Variants in PTK2 observed in about 807,000 individuals in gnomAD.
PTK2 encodes protein tyrosine kinase 2.
PTK2 carries 45 observed loss-of-function variants against 150.1 expected under a neutral mutation model. The ratio of observed to expected loss-of-function variants is 0.30; its 90% CI spans 0.24 to 0.38. The LOEUF is 0.38. Ranked by LOEUF, PTK2 falls within the 10% of genes least tolerant of loss-of-function variation. The probability of loss-of-function intolerance (pLI) is 1.00; values close to 1 mark genes in which losing one functional copy is unlikely to be tolerated. For synonymous variants in PTK2, 432 were observed against 449.2 expected, an observed-to-expected ratio of 0.96 and a Z score of 0.48; for missense variants, 919 against 1,307.3, an observed-to-expected ratio of 0.70 and a Z score of 4.58.
At chr8:140,855,551 C>T (rs1221468947) in intron 5 of PTK2, among the ~76,000 whole-genome samples, 2 of 151,928 alleles carry the variant, frequency 1.3e-5, no homozygotes, top group African/African-American at 2.4e-5. Context: ...GCCAAGATCA[C>T]GCCACCACAC....
intron 1 of PTK2, among the ~76,000 whole-genome samples, chr8:140,978,732 A>G (rs1406491685): frequency 6.6e-6 from 1 of 151,856 alleles, no homozygotes; most frequent in Non-Finnish European, 1.5e-5. Flanking sequence ...AACCAGAAAT[A>G]CCATTTGACC....
intron 10 of PTK2, among the ~76,000 whole-genome samples, chr8:140,811,008 A>T (rs1023770813): frequency 6.6e-6 from 1 of 152,182 alleles, no homozygotes; most frequent in African/African-American, 2.4e-5. Context: ...GCTCAAATGG[A>T]GACAGGCACC....
chr8:140,836,088 A>T (rs867094872), intron 7 of PTK2, among the ~76,000 whole-genome samples: 1 of 151,492 alleles, frequency 6.6e-6, no homozygotes, highest in East Asian at 1.9e-4. Flanking sequence ...TTTTTTTTTT[A>T]ATCAGACTTT....
intron 5 of PTK2, among the ~76,000 whole-genome samples, chr8:140,849,740 A>C (rs1304114918): frequency 6.6e-6 from 1 of 152,240 alleles, no homozygotes; most frequent in African/African-American, 2.4e-5. Context: ...TATATTTCTG[A>C]TCTTTACAAT....
chr8:140,934,539 A>C (rs981532491), intron 1 of PTK2: 1 of 152,218 alleles, frequency 6.6e-6, no homozygotes, highest in Non-Finnish European at 1.5e-5. Flanking sequence ...AACCATCCCA[A>C]CAAGTTTCTT....
chr8:140,905,281 T>C (rs2154607828), intron 2 of PTK2, among the ~76,000 whole-genome samples: 1 of 152,066 alleles, frequency 6.6e-6, no homozygotes. Flanking sequence ...GGGAGACCCA[T>C]GTCATGTGCA....
intron 22 of PTK2, among the ~76,000 whole-genome samples, chr8:140,725,529 G>C (rs987668128): frequency 7.2e-5 from 11 of 152,220 alleles, no homozygotes; most frequent in Admixed American, 3.3e-4. Context: ...GCAGGCGCCA[G>C]TGTTACTGGC....
intron 14 of PTK2, 133 bp downstream of exon 14, chr8:140,789,341 G>A (rs974057123): frequency 2.8e-5 from 21 of 751,222 alleles, no homozygotes; most frequent in African/African-American, 5.5e-5. Flanking sequence ...GTAAAATTAT[G>A]CAAATTTGGA....
At chr8:140,837,848 C>T (rs946820659) in intron 7 of PTK2, among the ~76,000 whole-genome samples, 2 of 152,084 alleles carry the variant, frequency 1.3e-5, no homozygotes, top group African/African-American at 4.8e-5. Context: ...CACTTGAGGT[C>T]AGGAGTTCAA....
At chr8:140,781,555 G>C (rs922691762) in intron 14 of PTK2, among the ~76,000 whole-genome samples, 2 of 152,162 alleles carry the variant, frequency 1.3e-5, no homozygotes, top group Non-Finnish European at 2.9e-5. Flanking sequence ...TGTGGGCTGG[G>C]AAGAGTTTAT....
intron 1 of PTK2, among the ~76,000 whole-genome samples, chr8:140,962,479 G>A (rs979012146): frequency 6.6e-6 from 1 of 152,080 alleles, no homozygotes; most frequent in African/African-American, 2.4e-5. Flanking sequence ...ACTCTGTGAG[G>A]GGCCTGAGGG....
intron 22 of PTK2, among the ~76,000 whole-genome samples, chr8:140,728,372 T>A (rs1474855444): frequency 6.6e-6 from 1 of 152,214 alleles, no homozygotes; most frequent in South Asian, 2.1e-4. Flanking sequence ...TTTAAGGATG[T>A]CTAACTATAA....
intron 23 of PTK2, among the ~76,000 whole-genome samples, chr8:140,711,058 C>T (rs1009106039): frequency 6.6e-6 from 1 of 152,216 alleles, no homozygotes; most frequent in African/African-American, 2.4e-5. Flanking sequence ...ATGCCTCAGA[C>T]TCCCAAGTAG....
intron 20 of PTK2, among the ~76,000 whole-genome samples, chr8:140,741,110 C>A (rs1426683759): frequency 6.6e-6 from 1 of 151,688 alleles, no homozygotes; most frequent in African/African-American, 2.4e-5. Flanking sequence ...TGCCACTGCA[C>A]TCCAGCCTGG....
At chr8:140,842,465 C>T (rs1476634094) in intron 7 of PTK2, among the ~76,000 whole-genome samples, 2 of 151,956 alleles carry the variant, frequency 1.3e-5, no homozygotes, top group African/African-American at 4.8e-5. Context: ...AGGTATTAAG[C>T]TCTTGACATA....
At position 140,794,182 on chromosome 8, in the gene PTK2, A is replaced by G. The variant is rs2100090242; in HGVS notation, c.1094-798T>C. ...TTCAGAATAATCTTCCCAAATTACCAATTCATCAATCAAGCAAGTTATTAT... is the reference window on the plus strand; with the variant it reads ...TTCAGAATAATCTTCCCAAATTACCGATTCATCAATCAAGCAAGTTATTAT... On this transcript the variant is annotated intron_variant, in intron 12 of 31. Coordinates refer to ENST00000522684, the Ensembl canonical transcript of PTK2. Among the ~76,000 whole-genome samples the G allele has an allele frequency of 1.3e-5, 2 of 152,322 alleles. 1 individual carries two copies. Among genetic ancestry groups the G allele is most frequent in the Middle Eastern group, 6.8e-3 (2 of 294 alleles).
intron 1 of PTK2, among the ~76,000 whole-genome samples, chr8:140,927,975 A>AAAAAATATATATATATATAT: frequency 2.1e-5 from 1 of 48,196 alleles, no homozygotes; most frequent in African/African-American, 9.8e-5. Context: ...AAAAAAAAAA[A>AAAAAATATATATATATATAT]ATATATATAT....
At chr8:140,928,611 C>G (rs867891122) in intron 1 of PTK2, among the ~76,000 whole-genome samples, 20 of 152,178 alleles carry the variant, frequency 1.3e-4, no homozygotes, top group African/African-American at 4.8e-4. Flanking sequence ...AAATATTATT[C>G]AGCCTTGAAA....
intron 23 of PTK2, among the ~76,000 whole-genome samples, chr8:140,711,261 C>A (rs192793219): frequency 6.6e-6 from 1 of 152,274 alleles, no homozygotes; most frequent in Admixed American, 6.5e-5. Context: ...TGCATACCAC[C>A]ACACCTGGCT....
Sources: allele counts gnomAD v4.1 joint callset (sites outside exome capture counted in the v4.1 genomes callset), GRCh38; gene constraint gnomAD v4.1.1; transcripts MANE v1.5; gene names NCBI Gene and HGNC (gene_info 2026-07-23, HGNC 2026-07-21).